Variants in ERC1 observed in about 807,000 individuals in gnomAD.
ERC1 encodes ELKS/RAB6-interacting/CAST family member 1.
ERC1 carries 56 observed loss-of-function variants against 132.0 expected under a neutral mutation model. The observed-to-expected ratio is 0.42, with a 90% CI of 0.34 to 0.53. ERC1 has a LOEUF of 0.53. Ranked by LOEUF, ERC1 falls within the 20% of genes least tolerant of loss-of-function variation. ERC1 has a pLI of 0.03. For synonymous variants in ERC1, 478 were observed against 476.1 expected, an observed-to-expected ratio of 1.00 and a Z score of -0.05; for missense variants, 1,202 against 1,349.9, an observed-to-expected ratio of 0.89 and a Z score of 1.72.
At chr12:1,279,380 T>C (rs144340475) in intron 14 of ERC1, among the ~76,000 whole-genome samples, 1 of 152,270 alleles carries the variant, frequency 6.6e-6, no homozygotes, top group East Asian at 1.9e-4. Context: ...TCTTTTTTTG[T>C]TGTTGTTATC....
rs1051898631 is a variant in ERC1, at chr12:1,029,797, A to G, written c.669+1225A>G. ...GAGTCTTGCTCTGTCTCCCAGGCTG[A>G]AGTACAGTGACGCAATCTCAGTTCG... On this transcript the variant is annotated intron_variant, in intron 2 of 18. Coordinates refer to ENST00000360905, the MANE Select transcript of ERC1 (RefSeq NM_178040.4). Among the ~76,000 whole-genome samples the G allele has an allele frequency of 1.0e-4, 14 of 136,066 alleles. 1 individual carries two copies. In the Admixed American group the frequency reaches 1.2e-3, roughly 12 times the overall value. The allele number at this position is 136,066 out of a possible 152,430, so 89.3% of individuals were successfully genotyped here.
chr12:1,350,858 G>A (rs986859336), intron 15 of ERC1, among the ~76,000 whole-genome samples: 2 of 152,198 alleles, frequency 1.3e-5, no homozygotes, highest in Non-Finnish European at 2.9e-5. Flanking sequence ...CAGCAGAGAA[G>A]GTCAAAGGGG....
intron 18 of ERC1, among the ~76,000 whole-genome samples, chr12:1,489,650 G>C (rs1388029758): frequency 6.6e-6 from 1 of 152,230 alleles, no homozygotes; most frequent in Non-Finnish European, 1.5e-5. Context: ...CAGGCCTCAG[G>C]TGGGTAGGCT....
intron 7 of ERC1, among the ~76,000 whole-genome samples, chr12:1,132,775 C>T (rs1948887694): frequency 6.6e-6 from 1 of 151,886 alleles, no homozygotes; most frequent in African/African-American, 2.4e-5. Flanking sequence ...GCAGTTGAGA[C>T]TTCAGGTTTG....
chr12:1,078,636 A>G (rs1227109602), intron 2 of ERC1, among the ~76,000 whole-genome samples: 1 of 152,176 alleles, frequency 6.6e-6, no homozygotes, highest in African/African-American at 2.4e-5. Flanking sequence ...TAAAAGAAAA[A>G]TGGCAGACTT....
chr12:994,637 T>G (rs893544028), intron 1 of ERC1, among the ~76,000 whole-genome samples: 1 of 152,368 alleles, frequency 6.6e-6, no homozygotes, highest in African/African-American at 2.4e-5. Context: ...TCATTTGAAG[T>G]TTAACTGTGT....
intron 17 of ERC1, among the ~76,000 whole-genome samples, chr12:1,419,864 CAAAA>C (rs61705685): frequency 2.2e-5 from 3 of 136,836 alleles, no homozygotes; most frequent in Admixed American, 7.3e-5. Flanking sequence ...GATTTTCTGG[CAAAA>C]AAAAAAAAAA....
intron 2 of ERC1, among the ~76,000 whole-genome samples, chr12:1,035,148 G>A (rs947562797): frequency 6.6e-6 from 1 of 152,146 alleles, no homozygotes; most frequent in African/African-American, 2.4e-5. Context: ...CCAGCAGTGG[G>A]GCCTAATTAA....
At chr12:1,367,951 CTTTTTTTT>C (rs59027116) in intron 15 of ERC1, among the ~76,000 whole-genome samples, 1 of 118,550 alleles carries the variant, frequency 8.4e-6, no homozygotes, top group African/African-American at 3.3e-5. Context: ...CCACATTTTC[CTTTTTTTT>C]TTTTTTTTTT....
At chr12:997,183 G>A (rs1961105959) in intron 1 of ERC1, among the ~76,000 whole-genome samples, 1 of 152,192 alleles carries the variant, frequency 6.6e-6, no homozygotes, top group South Asian at 2.1e-4. Context: ...CCTGTCAAGG[G>A]AAATAGTGAC....
intron 7 of ERC1, among the ~76,000 whole-genome samples, chr12:1,140,542 A>T (rs1276620673): frequency 2.0e-5 from 3 of 152,148 alleles, no homozygotes; most frequent in East Asian, 3.8e-4. Context: ...GGATTTTCAG[A>T]TTTGGGGATG....
chr12:1,192,844 C>T (rs573974443), intron 12 of ERC1, among the ~76,000 whole-genome samples: 1 of 152,254 alleles, frequency 6.6e-6, no homozygotes, highest in African/African-American at 2.4e-5. Flanking sequence ...TCTTTAGGTA[C>T]CCTACTTTTT....
At chr12:1,197,062 C>T (rs1157975380) in intron 12 of ERC1, among the ~76,000 whole-genome samples, 1 of 149,494 alleles carries the variant, frequency 6.7e-6, no homozygotes, top group Non-Finnish European at 1.5e-5. Context: ...CTCACTGCAA[C>T]CTCCACCTCC....
intron 17 of ERC1, among the ~76,000 whole-genome samples, chr12:1,418,679 TTTC>T (rs1565396937): frequency 2.9e-4 from 28 of 97,218 alleles, no homozygotes; most frequent in Middle Eastern, 5.2e-3. Flanking sequence ...TCTTTCTTTC[TTTC>T]TTTCTTTCTT....
At chr12:1,265,067 A>G (rs572664299) in intron 14 of ERC1, among the ~76,000 whole-genome samples, 161 of 152,178 alleles carry the variant, frequency 1.1e-3, no homozygotes, top group African/African-American at 3.7e-3. Flanking sequence ...TACCTTGTCT[A>G]CTCTTTCTTC....
At chr12:1,273,077 A>G (rs1289091939) in intron 14 of ERC1, among the ~76,000 whole-genome samples, 5 of 152,012 alleles carry the variant, frequency 3.3e-5, no homozygotes, top group Non-Finnish European at 4.4e-5. Flanking sequence ...TTCCAGAAGG[A>G]AGGGAGGGAG....
chr12:1,372,719 C>T (rs530832446), intron 16 of ERC1, among the ~76,000 whole-genome samples: 1 of 152,386 alleles, frequency 6.6e-6, no homozygotes, highest in East Asian at 1.9e-4. Context: ...GCATCCGCGT[C>T]CCAGCCTCCG....
chr12:1,418,567 TTCTTTCTTTCTTTCTTTCTTTC>T lies in ERC1; in HGVS notation c.3024+10344_3024+10365del, dbSNP rs1471927372. ...TTCCTTCTTTTCTGAAGTCTTCATT[TTCTTTCTTTCTTTCTTTCTTTC>T]TCTTTCTTTCTTTCTTTCTTTCTTT... is the stretch of plus-strand genomic sequence containing the variant. On this transcript the variant is annotated intron_variant, in intron 17 of 18. Coordinates refer to ENST00000360905, the MANE Select transcript of ERC1 (RefSeq NM_178040.4). 5.1e-3 allele frequency among the ~76,000 whole-genome samples: 627 copies of T among 123,272 alleles called. 4 individuals carry two copies. Among genetic ancestry groups the T allele is most frequent in the African/African-American group, 0.014 (441 of 31,686 alleles). 80.9% of individuals were successfully genotyped at this position (123,272 alleles called of 152,430 possible).
intron 2 of ERC1, among the ~76,000 whole-genome samples, chr12:1,051,685 C>T (rs977384165): frequency 7.9e-5 from 12 of 152,136 alleles, no homozygotes; most frequent in Admixed American, 1.3e-4. Flanking sequence ...TGTCACTGCA[C>T]TCCAGCCTGG....
Sources: gnomAD v4.1 joint callset for allele counts (sites outside exome capture counted in the v4.1 genomes callset) on GRCh38, gnomAD v4.1.1 for gene constraint, MANE v1.5 for transcripts, NCBI Gene and HGNC (gene_info 2026-07-23, HGNC 2026-07-21) for gene names.